PPARGC1A: variants seen among roughly 807,000 people sequenced by gnomAD.
The protein encoded by PPARGC1A is peroxisome proliferator-activated receptor gamma coactivator 1-alpha.
In PPARGC1A, 25 loss-of-function variants were observed where a neutral mutation model predicts 88.7. That is an observed-to-expected ratio of 0.28 (90% CI 0.21 to 0.39). The LOEUF (loss-of-function observed/expected upper bound fraction) is 0.39, where lower values mean the gene tolerates loss of function less well. Ranked by LOEUF, PPARGC1A falls within the 10% of genes least tolerant of loss-of-function variation. The pLI is 1.00. For synonymous variants in PPARGC1A, 363 were observed against 355.6 expected (o/e 1.02, Z -0.24); for missense variants, 880 against 968.7 (o/e 0.91, Z 1.22).
the PPARGC1A span, among the ~76,000 whole-genome samples, chr4:24,145,788 T>G: frequency 1.3e-5 from 2 of 152,214 alleles, no homozygotes; most frequent in Admixed American, 6.5e-5. Flanking sequence ...TGGGCCTTGT[T>G]TATACTTCTG....
chr4:23,987,905 C>T, the PPARGC1A span, among the ~76,000 whole-genome samples: 3 of 152,036 alleles, frequency 2.0e-5, no homozygotes, highest in African/African-American at 7.2e-5. Flanking sequence ...CCGTCACCTA[C>T]ATTAGGTATT....
chr4:24,173,338 CAAA>C, the PPARGC1A span, among the ~76,000 whole-genome samples: 562 of 117,544 alleles, frequency 4.8e-3, 1 homozygote, highest in African/African-American at 0.011. Context: ...CTTTCCCCAC[CAAA>C]AAAAAAAAAA....
intron 2 of PPARGC1A, among the ~76,000 whole-genome samples, chr4:23,841,226 G>A (rs1261326128): frequency 6.6e-6 from 1 of 152,064 alleles, no homozygotes; most frequent in African/African-American, 2.4e-5. Context: ...CTCTGACCAT[G>A]CAGGAGTATT....
the PPARGC1A span, among the ~76,000 whole-genome samples, chr4:24,352,972 C>T: frequency 6.6e-6 from 1 of 152,128 alleles, no homozygotes; most frequent in African/African-American, 2.4e-5. Context: ...ATCTCTCTCC[C>T]GTGGCATGGG....
the PPARGC1A span, among the ~76,000 whole-genome samples, chr4:24,307,526 TC>T: frequency 6.6e-6 from 1 of 152,176 alleles, no homozygotes; most frequent in African/African-American, 2.4e-5. Context: ...CTATTACCCT[TC>T]CTTGGCCTCA....
At chr4:23,818,370 A>G (rs753146310) in intron 7 of PPARGC1A, among the ~76,000 whole-genome samples, 41 of 152,150 alleles carry the variant, frequency 2.7e-4, no homozygotes, top group Non-Finnish European at 8.8e-5. Context: ...TGTAATTCAG[A>G]CTATAGCTTT....
the PPARGC1A span, among the ~76,000 whole-genome samples, chr4:23,959,886 C>T: frequency 6.6e-6 from 1 of 152,036 alleles, no homozygotes; most frequent in Non-Finnish European, 1.5e-5. Context: ...ATGATAAGCT[C>T]AGCAGGCTCA....
chr4:23,841,525 A>T (rs372736546), intron 2 of PPARGC1A, among the ~76,000 whole-genome samples: 14 of 151,968 alleles, frequency 9.2e-5, no homozygotes, highest in South Asian at 2.1e-4. Context: ...TAACTTTCTT[A>T]TCATAAATAC....
At chr4:23,940,670 A>C in the PPARGC1A span, among the ~76,000 whole-genome samples, 1 of 152,204 alleles carries the variant, frequency 6.6e-6, no homozygotes, top group Non-Finnish European at 1.5e-5. Flanking sequence ...AACAAAGAAG[A>C]AAACGAAAAA....
chr4:24,435,364 A>G, the PPARGC1A span, among the ~76,000 whole-genome samples: 4 of 152,210 alleles, frequency 2.6e-5, no homozygotes, highest in Non-Finnish European at 4.4e-5. Context: ...TCACTTCTGC[A>G]GACAGGCCAT....
chr4:24,043,111 C>T, the PPARGC1A span, among the ~76,000 whole-genome samples: 1 of 152,136 alleles, frequency 6.6e-6, no homozygotes, highest in African/African-American at 2.4e-5. Flanking sequence ...TTCTTCCTTT[C>T]CCCACACAGG....
the PPARGC1A span, among the ~76,000 whole-genome samples, chr4:24,066,577 G>C: frequency 6.6e-6 from 1 of 152,162 alleles, no homozygotes; most frequent in African/African-American, 2.4e-5. Context: ...AGGACAGTTT[G>C]TATGTGGGGA....
At chr4:23,923,862 C>T in the PPARGC1A span, among the ~76,000 whole-genome samples, 1 of 152,164 alleles carries the variant, frequency 6.6e-6, no homozygotes, top group Admixed American at 6.5e-5. Flanking sequence ...TCTTTATATT[C>T]TCATTCTTTT....
the PPARGC1A span, among the ~76,000 whole-genome samples, chr4:24,047,548 A>G: frequency 5.9e-5 from 9 of 152,236 alleles, no homozygotes; most frequent in Non-Finnish European, 8.8e-5. Context: ...ACTAAGGCTT[A>G]GAGAGGTTAA....
At chr4:24,254,979 C>T in the PPARGC1A span, among the ~76,000 whole-genome samples, 3 of 152,114 alleles carry the variant, frequency 2.0e-5, no homozygotes, top group African/African-American at 7.2e-5. Flanking sequence ...AAGTCAGCAC[C>T]CCCACTCTTG....
At chr4:23,895,451 A>G (rs952099661) in intron 1 of PPARGC1A, among the ~76,000 whole-genome samples, 3 of 151,734 alleles carry the variant, frequency 2.0e-5, no homozygotes, top group Admixed American at 6.6e-5. Flanking sequence ...CTAAACTGAT[A>G]TGTATATACA....
chr4:24,198,248 A>G, the PPARGC1A span, among the ~76,000 whole-genome samples: 1 of 152,212 alleles, frequency 6.6e-6, no homozygotes, highest in African/African-American at 2.4e-5. Flanking sequence ...GTATTTGCTT[A>G]TATCTGTTTC....
chr4:24,014,002 A>T, the PPARGC1A span, among the ~76,000 whole-genome samples: 1 of 152,218 alleles, frequency 6.6e-6, no homozygotes, highest in Non-Finnish European at 1.5e-5. Context: ...GTATTAGAGC[A>T]GCCACACGCC....
At chr4:24,099,529 G>C in the PPARGC1A span, among the ~76,000 whole-genome samples, 1 of 152,162 alleles carries the variant, frequency 6.6e-6, no homozygotes, top group South Asian at 2.1e-4. Context: ...CACATGGCTA[G>C]ATGAGAGGAG....
Sources: gnomAD v4.1 joint callset for allele counts (sites outside exome capture counted in the v4.1 genomes callset) on GRCh38, gnomAD v4.1.1 for gene constraint, MANE v1.5 for transcripts, NCBI Gene and HGNC (gene_info 2026-07-23, HGNC 2026-07-21) for gene names.